EEF1E1: variants seen among roughly 807,000 people sequenced by gnomAD.
EEF1E1 encodes eukaryotic translation elongation factor 1 epsilon 1, also known as eukaryotic translation elongation factor 1 epsilon-1.
A neutral mutation model predicts 19.9 loss-of-function variants in EEF1E1; 19 were observed. The ratio of observed to expected loss-of-function variants is 0.95; its 90% CI spans 0.66 to 1.40. The LOEUF (loss-of-function observed/expected upper bound fraction) is 1.40, where lower values mean the gene tolerates loss of function less well. EEF1E1 is among the 40% of genes most tolerant of loss of function. The pLI is 0.00. For synonymous variants in EEF1E1, 81 were observed against 80.0 expected (o/e 1.01, Z -0.07); for missense variants, 198 against 202.2 (o/e 0.98, Z 0.13).
At chr6:8,101,798 A>G in intron 1 of EEF1E1, 3 of 1,289,404 alleles carry the variant, frequency 2.3e-6, no homozygotes, top group Non-Finnish European at 3.0e-6. Context: ...TGTGGGTCGT[A>G]ACACTTAAAC....
At chr6:8,090,678 C>T (rs571584477) in intron 2 of EEF1E1, among the ~76,000 whole-genome samples, 4 of 152,300 alleles carry the variant, frequency 2.6e-5, no homozygotes, top group African/African-American at 9.6e-5. Context: ...AACTCTATAT[C>T]CATGAAACAA....
rs1757978526 is a variant in EEF1E1 at position 8,090,213 on chromosome 6, T to C, written c.357A>G (p.Leu119=). 6.5e-7 allele frequency: 1 copy of C among 1,529,342 alleles called. No homozygotes were observed. Among genetic ancestry groups the C allele is most frequent in the Non-Finnish European group, 8.7e-7 (1 of 1,146,574 alleles). 94.7% of individuals were successfully genotyped at this position (1,529,342 alleles called of 1,614,324 possible). The change falls in exon 3 of 4, where the codon CTA becomes CTG. Residue 119 remains leucine, a synonymous_variant. Transcript: ENST00000379715. The part of the protein sequence containing the change: ...TGYNFTLADI[L]LYYGLHRFIV... ...TAAAGCGATGAAGTCCATAGTACAATAGTATATCTGCTAATGTAAAGTTAT... is the reference window on the plus strand; with the variant it reads ...TAAAGCGATGAAGTCCATAGTACAACAGTATATCTGCTAATGTAAAGTTAT...
At chr6:8,101,982 C>T in intron 1 of EEF1E1, 2 of 1,243,102 alleles carry the variant, frequency 1.6e-6, no homozygotes, top group Non-Finnish European at 1.0e-6. Context: ...AAGCATGTTC[C>T]CCTAAATCAT....
In EEF1E1 at chr6:8,079,448, C is replaced by A. The variant is rs1757672737; in HGVS notation, c.*442G>T. On this transcript the variant is annotated 3_prime_UTR_variant, in exon 4 of 4. Transcript: ENST00000379715. ...CATAAATATTTTAAAACAAATCCAT[C>A]TGTCTTCCCTTTTGGCTTCCTTGGC... 2.0e-6 allele frequency: 2 copies of A among 989,140 alleles called. No individual in the cohort carries two copies. The highest frequency in any genetic ancestry group is 1.2e-6 in the Non-Finnish European group (1 of 831,834). The allele number at this position is 989,140 out of a possible 1,614,324, so 61.3% of individuals were successfully genotyped here.
At chr6:8,090,308 A>G (rs766457032) in intron 2 of EEF1E1, 27 bp from the exon 3 acceptor site, 2 of 1,405,770 alleles carry the variant, frequency 1.4e-6, no homozygotes, top group South Asian at 3.3e-5. Flanking sequence ...ACAAATAAAT[A>G]TTAATGTAAA....
At chr6:8,078,809 T>G, downstream of EEF1E1, 1 of 1,214,364 alleles carries the variant, frequency 8.2e-7, no homozygotes. Flanking sequence ...TTTCTTCATG[T>G]TGTCTACTTT....
chr6:8,091,006 C>T (rs2113653812), intron 2 of EEF1E1, among the ~76,000 whole-genome samples: 1 of 152,324 alleles, frequency 6.6e-6, no homozygotes, highest in Non-Finnish European at 1.5e-5. Context: ...ACAAACATCT[C>T]TTCAAAACCA....
chr6:8,089,744 T>C (rs745715192), intron 3 of EEF1E1, among the ~76,000 whole-genome samples: 3 of 152,128 alleles, frequency 2.0e-5, no homozygotes, highest in Non-Finnish European at 4.4e-5. Flanking sequence ...TCACAAGTGG[T>C]TACACAGAAG....
At chr6:8,099,113 A>G (rs1339331321) in intron 1 of EEF1E1, among the ~76,000 whole-genome samples, 1 of 152,220 alleles carries the variant, frequency 6.6e-6, no homozygotes, top group Non-Finnish European at 1.5e-5. Context: ...AATTCTTATG[A>G]GACACATACT....
chr6:8,101,243 A>AAAAAAAAAAATATATATAT (rs1271033598), intron 1 of EEF1E1, among the ~76,000 whole-genome samples: 1 of 58,470 alleles, frequency 1.7e-5, no homozygotes, highest in Non-Finnish European at 2.9e-5. Flanking sequence ...AAAAAAAAAA[A>AAAAAAAAAAATATATATAT]ATATATATAT....
intron 2 of EEF1E1, among the ~76,000 whole-genome samples, chr6:8,093,292 G>A (rs1342096669): frequency 6.7e-6 from 1 of 148,920 alleles, no homozygotes. Context: ...AATATTCACA[G>A]ATGAGAACTA....
chr6:8,099,777 C>T (rs868112106), intron 1 of EEF1E1, among the ~76,000 whole-genome samples: 2 of 123,090 alleles, frequency 1.6e-5, no homozygotes, highest in Admixed American at 1.6e-4. Flanking sequence ...CACACACACA[C>T]ACACACACAC....
chr6:8,087,954 CAG>C (rs1422602256), intron 3 of EEF1E1, among the ~76,000 whole-genome samples: 1 of 152,108 alleles, frequency 6.6e-6, no homozygotes, highest in Non-Finnish European at 1.5e-5. Flanking sequence ...AGCTTGTAGG[CAG>C]AGAGATGGTC....
chr6:8,099,791 CAAAA>C (rs3031799), intron 1 of EEF1E1, among the ~76,000 whole-genome samples: 3 of 114,628 alleles, frequency 2.6e-5, no homozygotes, highest in African/African-American at 3.3e-5. Flanking sequence ...CACACACACA[CAAAA>C]AAAAAACAGA....
downstream of EEF1E1, chr6:8,078,795 C>T: frequency 1.6e-6 from 2 of 1,233,838 alleles, no homozygotes; most frequent in Non-Finnish European, 2.1e-6. Context: ...ACATACTAGG[C>T]TTTTTTCTTC....
At chr6:8,101,108 C>T (rs1424413583) in intron 1 of EEF1E1, among the ~76,000 whole-genome samples, 1 of 147,662 alleles carries the variant, frequency 6.8e-6, no homozygotes, top group Non-Finnish European at 1.5e-5. Context: ...CACCTGTAAC[C>T]CCAGCTACTT....
chr6:8,083,112 T>C (rs550568807), intron 3 of EEF1E1, among the ~76,000 whole-genome samples: 2 of 152,356 alleles, frequency 1.3e-5, no homozygotes, highest in African/African-American at 2.4e-5. Context: ...TTAATTTATA[T>C]TGGCACTCTA....
chr6:8,092,364 A>G (rs1327683851), intron 2 of EEF1E1, among the ~76,000 whole-genome samples: 1 of 152,244 alleles, frequency 6.6e-6, no homozygotes, highest in Non-Finnish European at 1.5e-5. Flanking sequence ...GTTTGCAAAC[A>G]AAGTTAACAT....
At chr6:8,098,439 T>C (rs550035281) in intron 1 of EEF1E1, among the ~76,000 whole-genome samples, 38 of 152,252 alleles carry the variant, frequency 2.5e-4, no homozygotes, top group South Asian at 1.9e-3. Context: ...TTGTTCTCTA[T>C]AGTGATTTAT....
Sources: gnomAD v4.1 joint callset for allele counts (sites outside exome capture counted in the v4.1 genomes callset) on GRCh38, gnomAD v4.1.1 for gene constraint, MANE v1.5 for transcripts, NCBI Gene and HGNC (gene_info 2026-07-23, HGNC 2026-07-21) for gene names.